KLF12: variants seen among roughly 807,000 people sequenced by gnomAD.
KLF12 encodes Krueppel-like factor 12.
A neutral mutation model predicts 37.8 loss-of-function variants in KLF12; 9 were observed. The ratio of observed to expected loss-of-function variants is 0.24; its 90% CI spans 0.14 to 0.42. The LOEUF (loss-of-function observed/expected upper bound fraction) is 0.42, where lower values mean the gene tolerates loss of function less well. Ranked by LOEUF, KLF12 falls within the 10% of genes least tolerant of loss-of-function variation. The probability of loss-of-function intolerance (pLI) is 1.00; values close to 1 mark genes in which losing one functional copy is unlikely to be tolerated. For missense variants in KLF12, 411 were observed against 516.0 expected, an observed-to-expected ratio of 0.80 and a Z score of 1.97; for synonymous variants, 208 against 202.1, an observed-to-expected ratio of 1.03 and a Z score of -0.25.
chr13:74,221,189 G>C, the KLF12 span, among the ~76,000 whole-genome samples: 1 of 151,954 alleles, frequency 6.6e-6, no homozygotes, highest in Non-Finnish European at 1.5e-5. Context: ...TGTATTTTTC[G>C]TAGAGACGGG....
In KLF12 at chr13:73,711,264, T is replaced by C. The variant is rs1875377352; in HGVS notation, c.1027+4104A>G. Among the ~76,000 whole-genome samples, 3 of 152,368 alleles carry C rather than the reference T, an allele frequency of 2.0e-5. No individual in the cohort carries two copies. The South Asian group carries it at 6.2e-4, about 32-fold the overall frequency. Reference sequence around the variant, plus strand: ...GCTGCAGCAAGGTATCCAGAAGATCTAGCTAAGATCACTGATGAAGGCAGC... The same window carrying C: ...GCTGCAGCAAGGTATCCAGAAGATCCAGCTAAGATCACTGATGAAGGCAGC... On this transcript the variant is annotated intron_variant, in intron 7 of 7. Coordinates refer to ENST00000377669, the MANE Select transcript of KLF12 (RefSeq NM_007249.5).
chr13:73,803,467 C>A (rs1042859739), intron 5 of KLF12, among the ~76,000 whole-genome samples: 1 of 152,054 alleles, frequency 6.6e-6, no homozygotes, highest in Admixed American at 6.5e-5. Context: ...AAATAGTAAA[C>A]CCTGCCTACC....
At chr13:74,261,441 A>G in the KLF12 span, among the ~76,000 whole-genome samples, 5 of 152,214 alleles carry the variant, frequency 3.3e-5, no homozygotes, top group Non-Finnish European at 1.5e-5. Flanking sequence ...CATTAGATGG[A>G]GTATGATAGG....
chr13:74,192,931 T>TATCCTTAGA, the KLF12 span, among the ~76,000 whole-genome samples: 240 of 152,148 alleles, frequency 1.6e-3, 1 homozygote, highest in African/African-American at 5.7e-3. Context: ...CATACACAGG[T>TATCCTTAGA]ATCCTTAGAA....
At chr13:73,820,889 T>C (rs1324119293) in intron 4 of KLF12, among the ~76,000 whole-genome samples, 2 of 152,214 alleles carry the variant, frequency 1.3e-5, no homozygotes, top group African/African-American at 4.8e-5. Context: ...CTTAAAACTT[T>C]CTTCTCCCTT....
intron 1 of KLF12, among the ~76,000 whole-genome samples, chr13:74,064,113 A>G (rs1252848796): frequency 6.6e-6 from 1 of 152,158 alleles, no homozygotes; most frequent in Non-Finnish European, 1.5e-5. Flanking sequence ...TTCTATTCCC[A>G]GCACCCCTCA....
intron 2 of KLF12, among the ~76,000 whole-genome samples, chr13:73,967,051 C>G (rs1891188361): frequency 6.6e-6 from 1 of 152,128 alleles, no homozygotes; most frequent in Non-Finnish European, 1.5e-5. Context: ...TGACAAGTTC[C>G]TTTGCTTTAA....
At chr13:73,708,313 A>G (rs1233956153) in intron 7 of KLF12, among the ~76,000 whole-genome samples, 12 of 152,198 alleles carry the variant, frequency 7.9e-5, no homozygotes. Flanking sequence ...TTATCAGAGA[A>G]CAGTATGTCA....
At chr13:74,227,413 T>C in the KLF12 span, among the ~76,000 whole-genome samples, 1 of 152,206 alleles carries the variant, frequency 6.6e-6, no homozygotes, top group Non-Finnish European at 1.5e-5. Context: ...AATTGAATCA[T>C]GCAGCCTCTT....
chr13:74,039,615 TA>T (rs914572985), intron 1 of KLF12, among the ~76,000 whole-genome samples: 3 of 152,246 alleles, frequency 2.0e-5, no homozygotes, highest in Admixed American at 2.0e-4. Context: ...AAATAATTTT[TA>T]TTTAATGATA....
At chr13:73,821,685 C>A (rs1212114026) in intron 4 of KLF12, among the ~76,000 whole-genome samples, 1 of 152,142 alleles carries the variant, frequency 6.6e-6, no homozygotes, top group Admixed American at 6.5e-5. Flanking sequence ...CTTTTTCCCA[C>A]TGTCTACCGA....
At chr13:73,743,695 T>C (rs554889440) in intron 6 of KLF12, among the ~76,000 whole-genome samples, 24 of 152,242 alleles carry the variant, frequency 1.6e-4, no homozygotes, top group African/African-American at 2.4e-4. Flanking sequence ...TTATGTAGAG[T>C]TGGAAAAAGC....
chr13:73,889,798 CAAA>C (rs1192003125), intron 3 of KLF12, among the ~76,000 whole-genome samples: 2 of 151,952 alleles, frequency 1.3e-5, no homozygotes, highest in Non-Finnish European at 2.9e-5. Flanking sequence ...AATATTTAAG[CAAA>C]ATGCCATTTG....
chr13:74,022,363 T>C (rs1468023998), intron 1 of KLF12, among the ~76,000 whole-genome samples: 1 of 152,024 alleles, frequency 6.6e-6, no homozygotes, highest in South Asian at 2.1e-4. Flanking sequence ...TGCACAAAAA[T>C]TATCTGTACT....
the KLF12 span, among the ~76,000 whole-genome samples, chr13:74,218,214 A>G: frequency 0.26 from 40,052 of 152,064 alleles, 7,919 homozygotes; most frequent in African/African-American, 0.56. Flanking sequence ...AATAGATAGT[A>G]GTTTGGTCAG....
At chr13:73,835,407 A>G (rs35374366) in intron 4 of KLF12, among the ~76,000 whole-genome samples, 30,723 of 152,138 alleles carry the variant, frequency 0.2, 3,847 homozygotes, top group East Asian at 0.49. Flanking sequence ...CTTCTGGAAA[A>G]GGTGATTTGG....
At chr13:73,866,076 C>T (rs1278368513) in intron 3 of KLF12, among the ~76,000 whole-genome samples, 1 of 151,930 alleles carries the variant, frequency 6.6e-6, no homozygotes, top group African/African-American at 2.4e-5. Context: ...GCCAACAGGG[C>T]GAAACTCCAT....
the KLF12 span, among the ~76,000 whole-genome samples, chr13:74,203,024 T>G: frequency 6.6e-6 from 1 of 152,234 alleles, no homozygotes; most frequent in African/African-American, 2.4e-5. Context: ...AATGACAAGA[T>G]AGAACTAGTG....
At chr13:73,860,098 T>C (rs1885838305) in intron 3 of KLF12, among the ~76,000 whole-genome samples, 1 of 152,128 alleles carries the variant, frequency 6.6e-6, no homozygotes, top group South Asian at 2.1e-4. Context: ...CCGGTCTGGG[T>C]TGCGTTTTAT....
Sources: gnomAD v4.1 joint callset for allele counts (sites outside exome capture counted in the v4.1 genomes callset) on GRCh38, gnomAD v4.1.1 for gene constraint, MANE v1.5 for transcripts, NCBI Gene and HGNC (gene_info 2026-07-23, HGNC 2026-07-21) for gene names.